Variants in DMD observed in about 807,000 individuals in gnomAD.
DMD encodes the protein dystrophin.
A neutral mutation model predicts 330.1 loss-of-function variants in DMD; 63 were observed. The observed-to-expected ratio is 0.19, with a 90% CI of 0.16 to 0.24. The LOEUF (loss-of-function observed/expected upper bound fraction) is 0.24, where lower values mean the gene tolerates loss of function less well. DMD is among the 10% of genes least tolerant of loss of function. DMD has a pLI of 1.00. For missense variants in DMD, 3,344 were observed against 2,684.1 expected, an observed-to-expected ratio of 1.25 and a Z score of -5.43; for synonymous variants, 1,223 against 959.8, an observed-to-expected ratio of 1.27 and a Z score of -5.07.
chrX:32,790,236 C>G (rs1026900551), intron 7 of DMD, among the ~76,000 whole-genome samples: 17 of 111,725 alleles, frequency 1.5e-4, no homozygotes, highest in South Asian at 3.7e-4. Context: ...ATGAAAACCA[C>G]TAAAAGGAAA....
At chrX:32,207,893 G>A (rs1175908097) in intron 44 of DMD, among the ~76,000 whole-genome samples, 1 of 111,398 alleles carries the variant, frequency 9.0e-6, no homozygotes, top group Non-Finnish European at 1.9e-5. Context: ...ACATACAACA[G>A]CCATAAATTA....
chrX:31,292,800 C>A (rs2148003530), intron 62 of DMD, among the ~76,000 whole-genome samples: 1 of 111,906 alleles, frequency 8.9e-6, no homozygotes, highest in Non-Finnish European at 1.9e-5. Flanking sequence ...ATTCATGCAA[C>A]AACATGAGTT....
At chrX:32,237,519 G>A (rs1166297152) in intron 43 of DMD, among the ~76,000 whole-genome samples, 2 of 110,561 alleles carry the variant, frequency 1.8e-5, no homozygotes, top group African/African-American at 6.6e-5. Context: ...TCTGTTTTCC[G>A]GATCCTAGGC....
Position 31,719,271 on chromosome X carries a change from C to A in DMD, c.7660+10360G>T, listed in dbSNP as rs760141346. Among the ~76,000 whole-genome samples, 35 of 111,906 alleles carry A rather than the reference C, an allele frequency of 3.1e-4. No homozygotes were observed. In the South Asian group the frequency reaches 5.2e-3, roughly 17 times the overall value. On this transcript the variant is annotated intron_variant, in intron 52 of 78. Transcript: ENST00000357033. ...GTAGATAGTATAGCTTTCCTCTAAT[C>A]CAGAAATCAAGAATGGGGATTAAGG... is the stretch of plus-strand genomic sequence containing the variant.
chrX:32,409,550 T>C (rs1444123057), intron 30 of DMD, among the ~76,000 whole-genome samples: 1 of 111,579 alleles, frequency 9.0e-6, no homozygotes, highest in Non-Finnish European at 1.9e-5. Context: ...CAACTAAAGA[T>C]GCTTCGCCCT....
intron 53 of DMD, 113 bp from the exon 54 acceptor site, chrX:31,658,257 T>C (rs1056148807): frequency 7.2e-6 from 6 of 835,667 alleles, no homozygotes; most frequent in Non-Finnish European, 1.1e-5. Context: ...TCAGAATACA[T>C]ATATTAGATT....
intron 2 of DMD, among the ~76,000 whole-genome samples, chrX:32,912,195 G>GGTTA (rs1362157556): frequency 9.0e-6 from 1 of 110,978 alleles, no homozygotes; most frequent in Non-Finnish European, 1.9e-5. Context: ...CTATCTGGTT[G>GGTTA]GAGGGGGGAC....
At chrX:33,196,130 A>G (rs2050919762) in intron 1 of DMD, among the ~76,000 whole-genome samples, 1 of 112,084 alleles carries the variant, frequency 8.9e-6, no homozygotes, top group Non-Finnish European at 1.9e-5. Flanking sequence ...AAGGAAAGAT[A>G]AAAATAATAT....
intron 42 of DMD, among the ~76,000 whole-genome samples, chrX:32,296,495 G>A (rs2097497059): frequency 1.8e-5 from 2 of 111,457 alleles, no homozygotes; most frequent in South Asian, 7.7e-4. Context: ...TACTAAATAA[G>A]GATGTCTATA....
intron 1 of DMD, among the ~76,000 whole-genome samples, chrX:33,166,762 T>C (rs1603377683): frequency 9.1e-6 from 1 of 109,573 alleles, no homozygotes; most frequent in African/African-American, 3.3e-5. Flanking sequence ...TATACATACA[T>C]ACATATATAT....
At chrX:31,273,975 C>T (rs1256944105) in intron 62 of DMD, among the ~76,000 whole-genome samples, 1 of 112,201 alleles carries the variant, frequency 8.9e-6, no homozygotes, top group Non-Finnish European at 1.9e-5. Flanking sequence ...TGTGTTCATG[C>T]AAAGCAGCCT....
intron 7 of DMD, among the ~76,000 whole-genome samples, chrX:32,706,868 A>G (rs2064715543): frequency 9.0e-6 from 1 of 111,348 alleles, no homozygotes; most frequent in African/African-American, 3.3e-5. Context: ...AGGTGGGCGG[A>G]TCACCTGAGG....
chrX:32,948,752 T>C (rs769488978), intron 2 of DMD, among the ~76,000 whole-genome samples: 1 of 111,952 alleles, frequency 8.9e-6, no homozygotes, highest in African/African-American at 3.2e-5. Context: ...GAACTTTAGA[T>C]ACATGTTATC....
At chrX:32,835,265 T>C (rs1035791215) in intron 4 of DMD, among the ~76,000 whole-genome samples, 7 of 111,860 alleles carry the variant, frequency 6.3e-5, no homozygotes, top group African/African-American at 2.3e-4. Flanking sequence ...AGAATGGCTG[T>C]ATAAGAGATG....
intron 44 of DMD, among the ~76,000 whole-genome samples, chrX:32,110,417 T>C (rs888551788): frequency 8.9e-6 from 1 of 111,739 alleles, no homozygotes; most frequent in Middle Eastern, 4.3e-3. Context: ...TTAAATCCAA[T>C]AGAGGTAGTT....
intron 54 of DMD, among the ~76,000 whole-genome samples, chrX:31,634,727 C>T (rs2148467179): frequency 9.0e-6 from 1 of 111,125 alleles, no homozygotes; most frequent in African/African-American, 3.3e-5. Context: ...CATAATTATA[C>T]ACTTTCCCTA....
At chrX:32,575,123 C>T (rs1236048654) in intron 13 of DMD, among the ~76,000 whole-genome samples, 2 of 111,087 alleles carry the variant, frequency 1.8e-5, no homozygotes, top group Non-Finnish European at 3.8e-5. Context: ...CTCTCGAACT[C>T]CTGACCTCAG....
chrX:32,483,240 G>A (rs1255155751), intron 21 of DMD, among the ~76,000 whole-genome samples: 2 of 98,398 alleles, frequency 2.0e-5, no homozygotes, highest in African/African-American at 3.6e-5. Flanking sequence ...AATTAAAGAT[G>A]TGTAGCTACA....
chrX:33,093,360 C>G (rs749560808), intron 1 of DMD, among the ~76,000 whole-genome samples: 2 of 112,143 alleles, frequency 1.8e-5, no homozygotes, highest in East Asian at 2.8e-4. Context: ...ACGTCTTCCC[C>G]ATTGACAGTA....
Sources: gnomAD v4.1 joint callset for allele counts (sites outside exome capture counted in the v4.1 genomes callset) on GRCh38, gnomAD v4.1.1 for gene constraint, MANE v1.5 for transcripts, NCBI Gene and HGNC (gene_info 2026-07-23, HGNC 2026-07-21) for gene names.